OR7D2: variants seen among roughly 807,000 people sequenced by gnomAD.
The protein encoded by OR7D2 is olfactory receptor family 7 subfamily D member 2.
For missense variants in OR7D2, 370 were observed against 384.1 expected, an observed-to-expected ratio of 0.96 and a Z score of 0.31; for synonymous variants, 158 against 158.7, an observed-to-expected ratio of 1.00 and a Z score of 0.03.
chr19:9,179,302 G>A (rs112432014), intron 1 of OR7D2, among the ~76,000 whole-genome samples, 179 bp downstream of exon 1: 8,467 of 152,104 alleles, frequency 0.056, 795 homozygotes, highest in African/African-American at 0.19. Flanking sequence ...ACTTTTGGGA[G>A]GCTGAGGCAG....
chr19:9,186,207 C>A lies in OR7D2; in HGVS notation c.426C>A (p.Gly142=). ...TCATCATGAACCCCCACCTCTGTGG[C>A]CTCCTGGTTTTTGTCACCTGGCTCA... is the stretch of plus-strand genomic sequence containing the variant. ...YMIIMNPHLC[G]LLVFVTWLIG... The change falls in exon 3 of 3, where the codon GGC becomes GGA. Residue 142 remains glycine (G), a synonymous_variant. Transcript: ENST00000641288. 6.2e-7 allele frequency: 1 copy of A among 1,614,148 alleles called. No homozygotes were observed. The highest frequency in any genetic ancestry group is 8.5e-7 in the Non-Finnish European group (1 of 1,180,012).
chr19:9,181,048 C>T (rs2050986111), intron 2 of OR7D2, among the ~76,000 whole-genome samples: 1 of 151,846 alleles, frequency 6.6e-6, no homozygotes, highest in African/African-American at 2.4e-5. Context: ...TCGCTTAAGC[C>T]CAGGAAGTGG....
At chr19:9,182,926 C>G in intron 2 of OR7D2, 2 of 425,696 alleles carry the variant, frequency 4.7e-6, no homozygotes, top group South Asian at 2.6e-5. Flanking sequence ...TGGCTTTTAT[C>G]GTGCCCGATG....
At chr19:9,182,580 CG>C (rs2050998369) in intron 2 of OR7D2, 1 of 160,500 alleles carries the variant, frequency 6.2e-6, no homozygotes, top group Non-Finnish European at 1.4e-5. Flanking sequence ...TGCAGTGTCG[CG>C]AGATCTCGGC....
chr19:9,181,692 C>T (rs773670753), intron 2 of OR7D2, among the ~76,000 whole-genome samples: 2 of 151,992 alleles, frequency 1.3e-5, no homozygotes, highest in African/African-American at 2.4e-5. Context: ...TAAACTCAAA[C>T]GATACTCTCA....
rs2145983825 is a variant in OR7D2 at position 9,186,437 on chromosome 19, C to T, written c.656C>T (p.Ser219Leu). The change falls in exon 3 of 3, where the codon TCA (serine) becomes TTA (leucine). Residue 219 changes from serine (S) to leucine (L), a missense_variant. Transcript: ENST00000641288. ...FPLLGIIFSYSRIASSIRKMS... is the reference protein window; with the variant it reads ...FPLLGIIFSYLRIASSIRKMS... ...CTCCTTGGGATCATTTTCTCTTATT[C>T]ACGAATTGCTTCATCCATAAGGAAG... 1 of 1,614,118 alleles carries T rather than the reference C, an allele frequency of 6.2e-7. No individual in the cohort carries two copies. Among genetic ancestry groups the T allele is most frequent in the Middle Eastern group, 1.6e-4 (1 of 6,062 alleles).
intron 2 of OR7D2, among the ~76,000 whole-genome samples, chr19:9,183,685 C>T (rs2051007436): frequency 1.3e-5 from 2 of 150,684 alleles, no homozygotes; most frequent in South Asian, 2.1e-4. Context: ...TGGCCGGGCG[C>T]GGTGGCTCAC....
intron 2 of OR7D2, chr19:9,182,845 A>G: frequency 4.0e-6 from 1 of 247,724 alleles, no homozygotes; most frequent in Non-Finnish European, 8.5e-6. Flanking sequence ...TTGATAGCAC[A>G]TGTGAAGGGA....
intron 2 of OR7D2, among the ~76,000 whole-genome samples, chr19:9,183,889 C>T (rs1245671934): frequency 1.2e-4 from 15 of 129,636 alleles, no homozygotes; most frequent in African/African-American, 4.1e-4. Context: ...CCCCAGGGGG[C>T]GGAGCCTGCA....
At chr19:9,179,840 C>T (rs963169260) in intron 1 of OR7D2, among the ~76,000 whole-genome samples, 50 of 151,758 alleles carry the variant, frequency 3.3e-4, no homozygotes, top group African/African-American at 1.2e-3. Context: ...CCTGTCTCTA[C>T]TAAAAATACA....
In OR7D2 at chr19:9,186,549, T is replaced by A. The variant is rs778195427; in HGVS notation, c.768T>A (p.Ile256=). The A allele has an allele frequency of 1.1e-5, 17 of 1,614,000 alleles. No individual in the cohort carries two copies. The Admixed American group carries it at 2.8e-4, about 27-fold the overall frequency. Residue 256 remains isoleucine, a synonymous_variant, in exon 3 of 3, where the codon ATT becomes ATA. Coordinates refer to ENST00000641288, the MANE Select transcript of OR7D2 (RefSeq NM_175883.4). ...TTTCTTTATTTTATGGGACAGGCAT[T>A]GGGGTCCACTTCACTTCTGCGGTGA... ...SVVSLFYGTG[I]GVHFTSAVTH...
intron 1 of OR7D2, among the ~76,000 whole-genome samples, chr19:9,179,775 G>A (rs2050977703): frequency 6.6e-6 from 1 of 152,038 alleles, no homozygotes; most frequent in Non-Finnish European, 1.5e-5. Flanking sequence ...GGAGGCCGAG[G>A]CGGGTGGATC....
At chr19:9,182,926 C>A in intron 2 of OR7D2, 1 of 425,694 alleles carries the variant, frequency 2.3e-6, no homozygotes, top group Non-Finnish European at 4.6e-6. Context: ...TGGCTTTTAT[C>A]GTGCCCGATG....
In OR7D2 at chr19:9,187,450, T is replaced by C. The variant is rs2145985450; in HGVS notation, c.*730T>C. ...TACTCCATTGTATATATCCTCGATATCTATATAGATATAGACATATGTAGA... is the reference window on the plus strand; with the variant it reads ...TACTCCATTGTATATATCCTCGATACCTATATAGATATAGACATATGTAGA... On this transcript the variant is annotated 3_prime_UTR_variant, in exon 3 of 3. Coordinates refer to ENST00000641288, the MANE Select transcript of OR7D2 (RefSeq NM_175883.4). 6.0e-6 allele frequency: 1 copy of C among 166,086 alleles called. No homozygotes were observed. The highest frequency in any genetic ancestry group is 2.1e-4 in the South Asian group (1 of 4,826). The allele number at this position is 166,086 out of a possible 1,614,324, so 10.3% of individuals were successfully genotyped here.
chr19:9,186,164 A>G lies in OR7D2; in HGVS notation c.383A>G (p.His128Arg). ...MAYDRFVAVC[H>R]PLHYMIIMNP... Reference sequence around the variant, plus strand: ...TATGACCGGTTTGTGGCTGTCTGCCACCCTCTGCACTATATGATCATCATG... The same window carrying G: ...TATGACCGGTTTGTGGCTGTCTGCCGCCCTCTGCACTATATGATCATCATG... The change falls in exon 3 of 3, where the codon CAC (histidine) becomes CGC (arginine). Residue 128 changes from histidine to arginine, a missense_variant. His to Arg is a conservative substitution (Grantham distance 29). Transcript: ENST00000641288. 1 of 1,613,686 alleles carries G rather than the reference A, an allele frequency of 6.2e-7. No homozygotes were observed. Among genetic ancestry groups the G allele is most frequent in the South Asian group, 1.1e-5 (1 of 91,038 alleles).
chr19:9,183,768 T>C (rs1046771610), intron 2 of OR7D2, among the ~76,000 whole-genome samples: 1 of 146,088 alleles, frequency 6.8e-6, no homozygotes, highest in African/African-American at 2.5e-5. Flanking sequence ...CCATCCTGGC[T>C]AACACGGTGA....
At chr19:9,181,903 A>G (rs1462404693) in intron 2 of OR7D2, among the ~76,000 whole-genome samples, 1 of 152,202 alleles carries the variant, frequency 6.6e-6, no homozygotes, top group Non-Finnish European at 1.5e-5. Context: ...TTTCCAGTGA[A>G]TCCTATCAGA....
intron 2 of OR7D2, among the ~76,000 whole-genome samples, chr19:9,181,228 C>T (rs2050987373): frequency 6.7e-6 from 1 of 149,122 alleles, no homozygotes; most frequent in African/African-American, 2.5e-5. Flanking sequence ...ACACTATTTG[C>T]TATATACTAT....
intron 2 of OR7D2, among the ~76,000 whole-genome samples, chr19:9,184,789 GTA>G (rs562247003): frequency 1.3e-5 from 2 of 151,882 alleles, no homozygotes; most frequent in Admixed American, 6.6e-5. Flanking sequence ...ATATGTATGT[GTA>G]TGTGTGTGTA....
Sources: allele counts gnomAD v4.1 joint callset (sites outside exome capture counted in the v4.1 genomes callset), GRCh38; gene constraint gnomAD v4.1.1; transcripts MANE v1.5; gene names NCBI Gene and HGNC (gene_info 2026-07-23, HGNC 2026-07-21).